PNKP: variants seen among roughly 807,000 people sequenced by gnomAD.
PNKP encodes the protein polynucleotide kinase 3'-phosphatase, also known as bifunctional polynucleotide phosphatase/kinase.
PNKP carries 82 observed loss-of-function variants against 66.2 expected under a neutral mutation model. That is an observed-to-expected ratio of 1.24 (90% CI 1.04 to 1.49). The LOEUF is 1.49. PNKP is among the 40% of genes most tolerant of loss of function. The probability of loss-of-function intolerance (pLI) is 0.00; values close to 1 mark genes in which losing one functional copy is unlikely to be tolerated. For missense variants in PNKP, 907 were observed against 706.8 expected, an observed-to-expected ratio of 1.28 and a Z score of -3.21; for synonymous variants, 412 against 298.9, an observed-to-expected ratio of 1.38 and a Z score of -3.90.
rs112217838 is a variant in PNKP, at chr19:49,861,277, G to A, written c.1537C>T (p.Arg513Trp). Reference protein sequence around the residue: ...FRLWVEPRLGRLYCQFSEG With the variant: ...FRLWVEPRLGWLYCQFSEG ...CCCTCGGAGAACTGGCAGTACAGCC[G>A]CCCCAGCCTCGGCTCCACCCATAGC... The change falls in exon 17 of 17, where the codon CGG (arginine) becomes TGG (tryptophan). Residue 513 changes from arginine to tryptophan, a missense_variant. Physicochemically the swap from Arg to Trp is moderately radical, Grantham distance 101. Transcript: ENST00000322344. 2.5e-6 allele frequency: 4 copies of A among 1,612,992 alleles called. No individual in the cohort carries two copies. The highest frequency in any genetic ancestry group is 2.7e-5 in the African/African-American group (2 of 75,002).
intron 8 of PNKP, 154 bp from the exon 9 acceptor site, chr19:49,862,892 C>G (rs2074789186): frequency 3.8e-6 from 3 of 796,298 alleles, no homozygotes; most frequent in Non-Finnish European, 6.4e-6. Context: ...GCACCGTGCT[C>G]CTGGCCCCCT....
intron 3 of PNKP, chr19:49,865,950 C>A (rs2074816342): frequency 7.0e-6 from 2 of 287,746 alleles, no homozygotes; most frequent in Admixed American, 4.9e-5. Flanking sequence ...CAGGTACCCA[C>A]CCCACTGAAA....
In PNKP at chr19:49,861,468, T is replaced by A; in HGVS notation, c.1429A>T (p.Met477Leu). The change falls in exon 16 of 17, where the codon ATG becomes TTG. Residue 477 changes from methionine to leucine, a missense_variant. Transcript: ENST00000322344. ...CAGTACCTGTAGCCATACATGACCATGTCTGACACGGGGATATGAGAGGAG... is the reference window on the plus strand; with the variant it reads ...CAGTACCTGTAGCCATACATGACCAAGTCTGACACGGGGATATGAGAGGAG... ...TDSSHIPVSD[M>L]VMYGYRKQFE... 6.2e-7 allele frequency: 1 copy of A among 1,613,336 alleles called. No individual in the cohort carries two copies. Among genetic ancestry groups the A allele is most frequent in the Non-Finnish European group, 8.5e-7 (1 of 1,179,770 alleles).
At chr19:49,866,193 T>C in intron 3 of PNKP, 1 of 618,376 alleles carries the variant, frequency 1.6e-6, no homozygotes, top group Non-Finnish European at 2.9e-6. Context: ...GAGAGACAGG[T>C]TTCACCATGT....
intron 8 of PNKP, among the ~76,000 whole-genome samples, chr19:49,863,277 G>A (rs1468824034): frequency 1.3e-5 from 2 of 152,026 alleles, no homozygotes; most frequent in Admixed American, 6.6e-5. Flanking sequence ...CTCCTCAGAG[G>A]CCATCCCTGC....
Position 49,861,763 on chromosome 19 carries a change from T to TCA in PNKP, c.1298+7_1298+8dup. ...CCGCAGGCCACCTACGGCCCCGCGG[T>TCA]CACGCTACCTGGCGCGGCTCGCGGC... On this transcript the variant is annotated intron_variant, in intron 14 of 16. Coordinates refer to ENST00000322344, the MANE Select transcript of PNKP (RefSeq NM_007254.4). The TCA allele has an allele frequency of 6.4e-7, 1 of 1,565,462 alleles. No individual in the cohort carries two copies. Among genetic ancestry groups the TCA allele is most frequent in the Admixed American group, 1.9e-5 (1 of 52,820 alleles).
chr19:49,861,847 G>T lies in PNKP; in HGVS notation c.1223C>A (p.Thr408Lys), dbSNP rs774130130. ...CCCTTGCTTCAGGGCTGTCTCACAC[G>T]TGGTCACACAGCGCTGCCAGGAGCC... ...TLGSWQRCVT[T>K]CETALKQGKR... Residue 408 changes from threonine (T) to lysine (K), a missense_variant, in exon 14 of 17, where the codon ACG becomes AAG. Physicochemically the swap from Thr to Lys is moderately conservative, Grantham distance 78. Coordinates refer to ENST00000322344, the MANE Select transcript of PNKP (RefSeq NM_007254.4). 6.3e-7 allele frequency: 1 copy of T among 1,594,306 alleles called. No individual in the cohort carries two copies. The highest frequency in any genetic ancestry group is 1.7e-5 in the Admixed American group (1 of 57,446).
Position 49,862,738 on chromosome 19 carries a change from C to T in PNKP, c.817G>A (p.Ala273Thr). ...ATGGATATGGGCGTGCCGTCGTTGG[C>T]CTACGGGAGACGGTAGTGAGGAGGC... ...TGMWDHLQEQ[A>T]NDGTPISIGD... Residue 273 changes from alanine (A) to threonine (T), a missense_variant and splice_region_variant, in exon 9 of 17, where the codon GCC (alanine) becomes ACC (threonine). Ala to Thr is a moderately conservative substitution (Grantham distance 58). Coordinates refer to ENST00000322344, the MANE Select transcript of PNKP (RefSeq NM_007254.4). 1 of 1,614,110 alleles carries T rather than the reference C, an allele frequency of 6.2e-7. No homozygotes were observed. The highest frequency in any genetic ancestry group is 8.5e-7 in the Non-Finnish European group (1 of 1,179,980).
chr19:49,867,096 G>A lies in PNKP; in HGVS notation c.109C>T (p.Pro37Ser), dbSNP rs536541839. 16 of 1,613,772 alleles carry A rather than the reference G, an allele frequency of 9.9e-6. No individual in the cohort carries two copies. In the African/African-American group the frequency reaches 1.5e-4, roughly 15 times the overall value. ...TTCCGGTCCGTAACCTGGGTCAGGG[G>A]TCCCCTGCCCAGGACCAGGGCTTGC... ...DGQALVLGRG[P>S]LTQVTDRKCS... Residue 37 changes from proline to serine, a missense_variant, in exon 2 of 17, where the codon CCC becomes TCC. By Grantham distance (74) the Pro-to-Ser change is moderately conservative (BLOSUM62 -1). Coordinates refer to ENST00000322344, the MANE Select transcript of PNKP (RefSeq NM_007254.4).
chr19:49,863,711 A>G lies in PNKP; in HGVS notation c.794T>C (p.Met265Thr), dbSNP rs756988038. 2.6e-6 allele frequency: 4 copies of G among 1,556,754 alleles called. No individual in the cohort carries two copies. Among genetic ancestry groups the G allele is most frequent in the Non-Finnish European group, 3.5e-6 (4 of 1,149,694 alleles). Residue 265 changes from methionine (M) to threonine (T), a missense_variant, in exon 8 of 17, where the codon ATG becomes ACG. By Grantham distance (81) the Met-to-Thr change is moderately conservative. Transcript: ENST00000322344. Reference sequence around the variant, plus strand: ...CACCTGCTCCTGCAGATGGTCCCACATGCCCGTCACCGGCTTCCGGTACAA... The same window carrying G: ...CACCTGCTCCTGCAGATGGTCCCACGTGCCCGTCACCGGCTTCCGGTACAA... Reference protein sequence around the residue: ...AGLYRKPVTGMWDHLQEQAND... With the variant: ...AGLYRKPVTGTWDHLQEQAND...
At position 49,865,274 on chromosome 19, in the gene PNKP, A is replaced by G. The variant is rs545664057; in HGVS notation, c.351T>C (p.Asp117=). ...ACACCAGAGGGGTGCCAGGCGGAGT[A>G]TCTGGCTGGGATTCTGGTGTGCGGG... is the stretch of plus-strand genomic sequence containing the variant. ...EETRTPESQP[D]TPPGTPLVSQ... is the part of the protein sequence containing the mutation. Residue 117 remains aspartate (D), a synonymous_variant, in exon 4 of 17, where the codon GAT becomes GAC. Transcript: ENST00000322344. 31 of 1,614,096 alleles carry G rather than the reference A, an allele frequency of 1.9e-5. No homozygotes were observed. The highest frequency in any genetic ancestry group is 2.7e-5 in the African/African-American group (2 of 74,928).
chr19:49,867,254 C>A lies in PNKP; in HGVS notation c.-13-37G>T, dbSNP rs1292400607. On this transcript the variant is annotated intron_variant, in intron 1 of 16. Transcript: ENST00000322344. ...GTAAACGGGCTTGAGCGGCGCACAGCCCCAATTTGCTGCAGGAAGTCCCGC... is the reference window on the plus strand; with the variant it reads ...GTAAACGGGCTTGAGCGGCGCACAGACCCAATTTGCTGCAGGAAGTCCCGC... The A allele has an allele frequency of 4.5e-6, 7 of 1,556,982 alleles. No individual in the cohort carries two copies. The African/African-American group carries it at 9.6e-5, about 21-fold the overall frequency.
In PNKP at chr19:49,866,434, C is replaced by T. The variant is rs1313321108; in HGVS notation, c.163G>A (p.Ala55Thr). Residue 55 changes from alanine to threonine, a missense_variant, in exon 3 of 17, where the codon GCA becomes ACA. By Grantham distance (58) the Ala-to-Thr change is moderately conservative. Coordinates refer to ENST00000322344, the MANE Select transcript of PNKP (RefSeq NM_007254.4). ...GCCACTGTCCGGGTCTCAGGATCTGCGACCAGCTCCACTGAGGATTGGAGG... is the reference window on the plus strand; with the variant it reads ...GCCACTGTCCGGGTCTCAGGATCTGTGACCAGCTCCACTGAGGATTGGAGG... ...KCSRTQVELV[A>T]DPETRTVAVK... 9 of 1,613,932 alleles carry T rather than the reference C, an allele frequency of 5.6e-6. No homozygotes were observed. Among genetic ancestry groups the T allele is most frequent in the African/African-American group, 2.7e-5 (2 of 74,926 alleles).
rs1568658019 is a variant in PNKP, at chr19:49,861,374, G to A, written c.1449-9C>T. 1 of 1,613,786 alleles carries A rather than the reference G, an allele frequency of 6.2e-7. No individual in the cohort carries two copies. The highest frequency in any genetic ancestry group is 1.3e-5 in the African/African-American group (1 of 75,048). On this transcript the variant is annotated splice_polypyrimidine_tract_variant and intron_variant, in intron 16 of 16. Coordinates refer to ENST00000322344, the MANE Select transcript of PNKP (RefSeq NM_007254.4). ...GGGCCTCGAACTGCTTCCTGGCAGTGGTGGGAACAGTGAGGGACAGCCTGG... is the reference window on the plus strand; with the variant it reads ...GGGCCTCGAACTGCTTCCTGGCAGTAGTGGGAACAGTGAGGGACAGCCTGG...
Position 49,862,620 on chromosome 19 carries a change from G to A in PNKP, c.866-12C>T, listed in dbSNP as rs1600418489. Reference sequence around the variant, plus strand: ...GCGTCCGGCTGCGTCTGGAACACACGGGACACCCCGTTCCCACCAGCTCGG... The same window carrying A: ...GCGTCCGGCTGCGTCTGGAACACACAGGACACCCCGTTCCCACCAGCTCGG... On this transcript the variant is annotated splice_polypyrimidine_tract_variant and intron_variant, in intron 9 of 16. Transcript: ENST00000322344. 5 of 1,613,870 alleles carry A rather than the reference G, an allele frequency of 3.1e-6. No homozygotes were observed. The highest frequency in any genetic ancestry group is 3.4e-6 in the Non-Finnish European group (4 of 1,179,904).
At chr19:49,863,876 G>A in intron 7 of PNKP, 88 bp downstream of exon 7, 7 of 1,370,636 alleles carry the variant, frequency 5.1e-6, no homozygotes, top group Admixed American at 1.9e-5. Context: ...ACTGCCTGAG[G>A]CCTCCGCCCC....
Position 49,862,457 on chromosome 19 carries a change from G to A in PNKP, c.943C>T (p.Leu315Phe), listed in dbSNP as rs762271079. 5.0e-6 allele frequency: 8 copies of A among 1,590,734 alleles called. No individual in the cohort carries two copies. Among genetic ancestry groups the A allele is most frequent in the Admixed American group, 1.8e-5 (1 of 56,364 alleles). Reference protein sequence around the residue: ...DFSCADRLFALNLGLPFATPE... With the variant: ...DFSCADRLFAFNLGLPFATPE... ...GTGGCGAAGGGCAGGCCAAGGTTGA[G>A]GGCAAACTAGGGGTTGAGGACGAAC... The change falls in exon 11 of 17, where the codon CTC becomes TTC. Residue 315 changes from leucine to phenylalanine, a missense_variant. Physicochemically the swap from Leu to Phe is conservative, Grantham distance 22. Transcript: ENST00000322344.
intron 4 of PNKP, 102 bp downstream of exon 4, chr19:49,865,025 C>G: frequency 1.1e-6 from 1 of 903,798 alleles, no homozygotes; most frequent in Non-Finnish European, 1.8e-6. Context: ...AGGCCCATTT[C>G]TCAGAAAAGT....
Position 49,862,615 on chromosome 19 carries a change from C to T in PNKP, c.866-7G>A. ...GCCGGGCGTCCGGCTGCGTCTGGAA[C>T]ACACGGGACACCCCGTTCCCACCAG... On this transcript the variant is annotated splice_polypyrimidine_tract_variant and splice_region_variant and intron_variant, in intron 9 of 16. Coordinates refer to ENST00000322344, the MANE Select transcript of PNKP (RefSeq NM_007254.4). 6.2e-7 allele frequency: 1 copy of T among 1,613,948 alleles called. No homozygotes were observed. The highest frequency in any genetic ancestry group is 1.1e-5 in the South Asian group (1 of 91,086).
Sources: allele counts gnomAD v4.1 joint callset (sites outside exome capture counted in the v4.1 genomes callset), GRCh38; gene constraint gnomAD v4.1.1; transcripts MANE v1.5; gene names NCBI Gene and HGNC (gene_info 2026-07-23, HGNC 2026-07-21).